The following STX8 variants were observed in gnomAD, a reference collection of about 807,000 sequenced individuals.
The protein encoded by STX8 is syntaxin 8.
A neutral mutation model predicts 37.5 loss-of-function variants in STX8; 23 were observed. The ratio of observed to expected loss-of-function variants is 0.61; its 90% confidence interval spans 0.44 to 0.87. STX8 has a LOEUF of 0.87. Among genes scored for constraint, STX8 ranks in the 40% least tolerant of loss-of-function variants. The probability of loss-of-function intolerance (pLI) is 0.00; values close to 1 mark genes in which losing one functional copy is unlikely to be tolerated. For synonymous variants in STX8, 115 were observed against 99.1 expected, an observed-to-expected ratio of 1.16 and a Z score of -0.95; for missense variants, 313 against 284.7, an observed-to-expected ratio of 1.10 and a Z score of -0.71.
At chr17:9,408,528 T>A (rs889166303) in intron 6 of STX8, among the ~76,000 whole-genome samples, 5 of 152,064 alleles carry the variant, frequency 3.3e-5, no homozygotes, top group African/African-American at 1.2e-4. Context: ...CACCCTTGAG[T>A]AAACTGACCA....
chr17:9,437,527 G>A (rs1904479464), intron 6 of STX8, among the ~76,000 whole-genome samples: 1 of 152,232 alleles, frequency 6.6e-6, no homozygotes, highest in Admixed American at 6.5e-5. Context: ...TCTGACAACT[G>A]TAGCTTTTTC....
intron 7 of STX8, among the ~76,000 whole-genome samples, chr17:9,308,417 G>T (rs2142187563): frequency 6.6e-6 from 1 of 152,248 alleles, no homozygotes; most frequent in African/African-American, 2.4e-5. Flanking sequence ...TAGTTCCTAT[G>T]ACTCACCTTG....
intron 7 of STX8, among the ~76,000 whole-genome samples, chr17:9,330,588 A>G (rs1283051982): frequency 6.6e-6 from 1 of 152,216 alleles, no homozygotes; most frequent in Non-Finnish European, 1.5e-5. Flanking sequence ...AAGGTTTATT[A>G]GTTCTAGGTC....
chr17:9,396,360 G>C (rs1427632269), intron 6 of STX8, among the ~76,000 whole-genome samples: 2 of 147,572 alleles, frequency 1.4e-5, no homozygotes, highest in Admixed American at 1.4e-4. Context: ...AGGAAGCATA[G>C]GAATTTGGGG....
chr17:9,414,289 C>G (rs1469700807), intron 6 of STX8, among the ~76,000 whole-genome samples: 2 of 151,504 alleles, frequency 1.3e-5, no homozygotes, highest in Admixed American at 6.6e-5. Context: ...AGGGCTGGAA[C>G]ACTGCTTCTC....
At chr17:9,420,896 G>A (rs950726613) in intron 6 of STX8, among the ~76,000 whole-genome samples, 13 of 152,122 alleles carry the variant, frequency 8.5e-5, no homozygotes, top group African/African-American at 3.1e-4. Context: ...CAACATTTAC[G>A]TGCATGTGCC....
chr17:9,288,885 A>G (rs1296384231), intron 7 of STX8, among the ~76,000 whole-genome samples: 3 of 152,188 alleles, frequency 2.0e-5, no homozygotes, highest in African/African-American at 7.2e-5. Flanking sequence ...CATGAAAGCT[A>G]TAAGAAAATG....
chr17:9,368,957 A>T (rs1023581352), intron 7 of STX8, among the ~76,000 whole-genome samples: 1 of 148,590 alleles, frequency 6.7e-6, no homozygotes, highest in Non-Finnish European at 1.5e-5. Context: ...GGATCTCATC[A>T]CTGCCCAGGC....
intron 6 of STX8, among the ~76,000 whole-genome samples, chr17:9,480,931 C>A (rs138688907): frequency 0.014 from 2,073 of 151,210 alleles, 48 homozygotes; most frequent in African/African-American, 0.047. Flanking sequence ...GTCGCCCAGG[C>A]TGGAGGGTAG....
At chr17:9,430,195 ATT>A (rs1432160896) in intron 6 of STX8, among the ~76,000 whole-genome samples, 4 of 128,194 alleles carry the variant, frequency 3.1e-5, no homozygotes, top group Non-Finnish European at 4.7e-5. Context: ...TAAAATATAA[ATT>A]ATATATAATT....
intron 7 of STX8, among the ~76,000 whole-genome samples, chr17:9,341,460 CAG>C (rs1418913648): frequency 7.9e-5 from 12 of 152,126 alleles, no homozygotes; most frequent in African/African-American, 2.4e-4. Flanking sequence ...TTTTTTGAGA[CAG>C]AGTCTTGCTC....
intron 6 of STX8, among the ~76,000 whole-genome samples, chr17:9,465,690 G>T (rs117865572): frequency 6.6e-6 from 1 of 152,128 alleles, no homozygotes; most frequent in Non-Finnish European, 1.5e-5. Flanking sequence ...AGCGCTATGC[G>T]GTATCGGATC....
chr17:9,389,263 G>C (rs1405671305), intron 6 of STX8, among the ~76,000 whole-genome samples: 1 of 152,190 alleles, frequency 6.6e-6, no homozygotes, highest in Non-Finnish European at 1.5e-5. Flanking sequence ...ACCAAGGTGG[G>C]AATTTCCCTA....
chr17:9,372,608 G>C (rs1030059379), intron 7 of STX8, among the ~76,000 whole-genome samples: 3 of 151,634 alleles, frequency 2.0e-5, no homozygotes, highest in Non-Finnish European at 4.4e-5. Context: ...CTCCCAACTA[G>C]CTGGGATTAC....
intron 6 of STX8, among the ~76,000 whole-genome samples, chr17:9,422,665 G>T (rs1913483747): frequency 6.6e-6 from 1 of 152,202 alleles, no homozygotes; most frequent in Non-Finnish European, 1.5e-5. Context: ...CCATTGTATG[G>T]ATATGCCACA....
At chr17:9,295,956 C>T (rs1908512733) in intron 7 of STX8, among the ~76,000 whole-genome samples, 8 of 151,104 alleles carry the variant, frequency 5.3e-5, no homozygotes, top group Admixed American at 5.3e-4. Context: ...TTTGGGAGGC[C>T]AAGGCGGGCG....
At chr17:9,426,640 G>A (rs943055211) in intron 6 of STX8, among the ~76,000 whole-genome samples, 1 of 148,634 alleles carries the variant, frequency 6.7e-6, no homozygotes, top group Admixed American at 6.8e-5. Context: ...ACATGCCTGT[G>A]GTCTTAGCTA....
At chr17:9,416,148 C>T (rs1218748482) in intron 6 of STX8, among the ~76,000 whole-genome samples, 2 of 152,146 alleles carry the variant, frequency 1.3e-5, no homozygotes, top group South Asian at 2.1e-4. Context: ...CCTGGTTGCA[C>T]ATTAAAAGCA....
intron 6 of STX8, among the ~76,000 whole-genome samples, chr17:9,433,435 C>G (rs1439616434): frequency 6.6e-6 from 1 of 152,210 alleles, no homozygotes; most frequent in East Asian, 1.9e-4. Context: ...TTTTCTCAAT[C>G]TCTTCGGCCC....
Sources: gnomAD v4.1 joint callset for allele counts (sites outside exome capture counted in the v4.1 genomes callset) on GRCh38, gnomAD v4.1.1 for gene constraint, MANE v1.5 for transcripts, NCBI Gene and HGNC (gene_info 2026-07-23, HGNC 2026-07-21) for gene names.